The following MAML2 variants were observed in gnomAD, a reference collection of about 807,000 sequenced individuals.
MAML2 encodes mastermind-like protein 2.
Under a neutral mutation model 96.1 loss-of-function variants are expected in MAML2, and 22 were observed. The ratio of observed to expected loss-of-function variants is 0.23; its 90% CI spans 0.16 to 0.33. The LOEUF (loss-of-function observed/expected upper bound fraction) is 0.33, where lower values mean the gene tolerates loss of function less well. Ranked by LOEUF, MAML2 falls within the 10% of genes least tolerant of loss-of-function variation. The pLI, the probability that MAML2 is intolerant of heterozygous loss-of-function variation, is 1.00. For missense variants in MAML2, 1,367 were observed against 1,392.4 expected, an observed-to-expected ratio of 0.98 and a Z score of 0.29; for synonymous variants, 561 against 521.3, an observed-to-expected ratio of 1.08 and a Z score of -1.04.
In MAML2 at chr11:96,317,027, T is replaced by C. The variant is rs143158328; in HGVS notation, c.513+24356A>G. On this transcript the variant is annotated intron_variant, in intron 1 of 4. Transcript: ENST00000524717. ...AAGCACTCAGTGTCTTGGCGCTCATTATCTTGCCAAGCCCTCTGGTTTTAC... is the reference window on the plus strand; with the variant it reads ...AAGCACTCAGTGTCTTGGCGCTCATCATCTTGCCAAGCCCTCTGGTTTTAC... 1.2e-3 allele frequency among the ~76,000 whole-genome samples: 179 copies of C among 152,262 alleles called. 3 individuals are homozygous for C. The East Asian group carries it at 0.032, about 27-fold the overall frequency.
At chr11:96,041,363 T>C (rs932822458) in intron 2 of MAML2, among the ~76,000 whole-genome samples, 1 of 148,886 alleles carries the variant, frequency 6.7e-6, no homozygotes, top group East Asian at 2.0e-4. Flanking sequence ...TAGCCGGGCA[T>C]AGTGGTGGGT....
chr11:96,201,181 G>A lies in MAML2; in HGVS notation c.514-107664C>T, dbSNP rs185274237. Among the ~76,000 whole-genome samples the A allele has an allele frequency of 2.4e-4, 37 of 152,240 alleles. No homozygotes were observed. The East Asian group carries it at 6.6e-3, about 27-fold the overall frequency. On this transcript the variant is annotated intron_variant, in intron 1 of 4. Coordinates refer to ENST00000524717, the MANE Select transcript of MAML2 (RefSeq NM_032427.4). ...TTACCATAATTACTTGAACCTACTT[G>A]ATGGATAGATCTATAAAACATTTCT... is the stretch of plus-strand genomic sequence containing the variant.
At chr11:96,253,375 C>G (rs1383154840) in intron 1 of MAML2, among the ~76,000 whole-genome samples, 1 of 152,184 alleles carries the variant, frequency 6.6e-6, no homozygotes, top group Non-Finnish European at 1.5e-5. Flanking sequence ...TCTTGGAATC[C>G]AAGCTCCCCT....
Position 96,216,144 on chromosome 11 carries a change from T to C in MAML2, c.514-122627A>G, listed in dbSNP as rs147592115. On this transcript the variant is annotated intron_variant, in intron 1 of 4. Transcript: ENST00000524717. Reference sequence around the variant, plus strand: ...AGAAGTTGGTAGTTGGTAATCTCTTTTAGGCATGCTTAAACCAGAAGAAGA... The same window carrying C: ...AGAAGTTGGTAGTTGGTAATCTCTTCTAGGCATGCTTAAACCAGAAGAAGA... Among the ~76,000 whole-genome samples the C allele has an allele frequency of 3.4e-3, 521 of 152,306 alleles. 3 individuals carry two copies. The highest frequency in any genetic ancestry group is 0.014 in the South Asian group (68 of 4,822).
intron 1 of MAML2, among the ~76,000 whole-genome samples, chr11:96,109,304 G>GA (rs1182106763): frequency 6.6e-6 from 1 of 152,168 alleles, no homozygotes; most frequent in African/African-American, 2.4e-5. Flanking sequence ...CCATGCAGAG[G>GA]AACGTGGGCT....
At chr11:96,149,086 G>A (rs1382182041) in intron 1 of MAML2, among the ~76,000 whole-genome samples, 5 of 152,120 alleles carry the variant, frequency 3.3e-5, no homozygotes, top group African/African-American at 9.7e-5. Context: ...ACCCAGTCAT[G>A]TGCCTCATCC....
At chr11:96,045,172 T>A (rs1432635095) in intron 2 of MAML2, among the ~76,000 whole-genome samples, 1 of 152,172 alleles carries the variant, frequency 6.6e-6, no homozygotes, top group African/African-American at 2.4e-5. Context: ...CTGTATCTGG[T>A]GATTTAGGTC....
At chr11:96,083,935 G>C (rs896327954) in intron 2 of MAML2, among the ~76,000 whole-genome samples, 5 of 152,166 alleles carry the variant, frequency 3.3e-5, no homozygotes, top group Non-Finnish European at 5.9e-5. Flanking sequence ...TAGGAGACCA[G>C]GGAAACCTTC....
At chr11:96,334,325 C>T (rs949390764) in intron 1 of MAML2, among the ~76,000 whole-genome samples, 1 of 152,140 alleles carries the variant, frequency 6.6e-6, no homozygotes, top group Admixed American at 6.5e-5. Flanking sequence ...ATTTATTGAG[C>T]CTTTACGAGG....
chr11:96,258,754 A>G (rs1271534645), intron 1 of MAML2, among the ~76,000 whole-genome samples: 1 of 152,268 alleles, frequency 6.6e-6, no homozygotes, highest in African/African-American at 2.4e-5. Context: ...TGCCTAGGGC[A>G]TAAACGAAAT....
intron 1 of MAML2, among the ~76,000 whole-genome samples, chr11:96,340,194 G>A (rs1194282828): frequency 3.3e-5 from 5 of 152,188 alleles, no homozygotes; most frequent in South Asian, 2.1e-4. Flanking sequence ...GTCCTCTCCC[G>A]AGAGCTCAAT....
chr11:96,152,133 A>G (rs1485369340), intron 1 of MAML2, among the ~76,000 whole-genome samples: 1 of 152,204 alleles, frequency 6.6e-6, no homozygotes, highest in Non-Finnish European at 1.5e-5. Flanking sequence ...TGAGGTGGCA[A>G]GTTCACTAAG....
chr11:96,076,232 A>C (rs1859432607), intron 2 of MAML2, among the ~76,000 whole-genome samples: 1 of 152,212 alleles, frequency 6.6e-6, no homozygotes, highest in South Asian at 2.1e-4. Context: ...GGTGTGCATC[A>C]TGTATTGTAT....
intron 2 of MAML2, among the ~76,000 whole-genome samples, chr11:96,013,506 A>G (rs1350080649): frequency 6.6e-6 from 1 of 152,168 alleles, no homozygotes; most frequent in Non-Finnish European, 1.5e-5. Context: ...CAAGGGCTCC[A>G]CTCCAACGAC....
chr11:96,096,488 A>C (rs566037480), intron 1 of MAML2, among the ~76,000 whole-genome samples: 1 of 152,292 alleles, frequency 6.6e-6, no homozygotes, highest in Non-Finnish European at 1.5e-5. Context: ...ACAGGTTTAG[A>C]GGTTGAGTAT....
rs1159576257 is a variant in MAML2, at chr11:95,979,491, T to C, written c.2928A>G (p.Gln976=). ...WASQEGTSKQ[Q]EALTSAGVRF... ...GGACTCCTGCAGACGTCAGGGCTTC[T>C]TGCTGTTTGCTTGTTCCTTCTTGAG... is the stretch of plus-strand genomic sequence containing the variant. The change falls in exon 5 of 5, where the codon CAA becomes CAG. Residue 976 remains glutamine, a synonymous_variant. Coordinates refer to ENST00000524717, the MANE Select transcript of MAML2 (RefSeq NM_032427.4). 6.2e-7 allele frequency: 1 copy of C among 1,613,708 alleles called. No individual in the cohort carries two copies. The highest frequency in any genetic ancestry group is 2.2e-5 in the East Asian group (1 of 44,866).
chr11:96,131,713 A>C (rs1860551755), intron 1 of MAML2, among the ~76,000 whole-genome samples: 1 of 152,180 alleles, frequency 6.6e-6, no homozygotes, highest in South Asian at 2.1e-4. Context: ...TGATGGTTGC[A>C]CAACTTTAAA....
chr11:96,067,627 T>C (rs1859265930), intron 2 of MAML2, among the ~76,000 whole-genome samples: 1 of 152,118 alleles, frequency 6.6e-6, no homozygotes, highest in African/African-American at 2.4e-5. Context: ...CTGTCATTGG[T>C]AAACCAGATT....
chr11:96,029,591 G>A (rs1215373525), intron 2 of MAML2, among the ~76,000 whole-genome samples: 1 of 152,104 alleles, frequency 6.6e-6, no homozygotes. Context: ...GGTAACGGAT[G>A]GTACTAGGAG....
Sources: allele counts gnomAD v4.1 joint callset (sites outside exome capture counted in the v4.1 genomes callset), GRCh38; gene constraint gnomAD v4.1.1; transcripts MANE v1.5; gene names NCBI Gene and HGNC (gene_info 2026-07-23, HGNC 2026-07-21).